Variants in CYP4Z1 observed in about 807,000 individuals in gnomAD.
CYP4Z1 encodes cytochrome P450 family 4 subfamily Z member 1, also known as cytochrome P450 4Z1.
CYP4Z1 carries 41 observed loss-of-function variants against 54.2 expected under a neutral mutation model. The observed-to-expected ratio is 0.76, with a 90% CI of 0.59 to 0.98. The LOEUF (loss-of-function observed/expected upper bound fraction) is 0.98. CYP4Z1 is among the 50% of genes least tolerant of loss of function. The probability of loss-of-function intolerance (pLI) is 0.00; values close to 1 mark genes in which losing one functional copy is unlikely to be tolerated. For missense variants in CYP4Z1, 513 were observed against 599.0 expected (o/e 0.86, Z 1.50); for synonymous variants, 163 against 206.2 (o/e 0.79, Z 1.79).
chr1:47,110,727 C>A lies in CYP4Z1; in HGVS notation c.1201+4466C>A, dbSNP rs189623576. On this transcript the variant is annotated intron_variant, in intron 9 of 11. Coordinates refer to ENST00000334194, the MANE Select transcript of CYP4Z1 (RefSeq NM_178134.3). Reference sequence around the variant, plus strand: ...AACCATTTAAAAGAGAACAAGGCTTCTGGAACCAAAAATTGAAAAATGAAA... The same window carrying A: ...AACCATTTAAAAGAGAACAAGGCTTATGGAACCAAAAATTGAAAAATGAAA... Among the ~76,000 whole-genome samples, 250 of 151,676 alleles carry A rather than the reference C, an allele frequency of 1.6e-3. 4 individuals carry two copies. The highest frequency in any genetic ancestry group is 5.8e-3 in the African/African-American group (239 of 41,306).
At chr1:47,106,651 G>T (rs1557633431) in intron 9 of CYP4Z1, among the ~76,000 whole-genome samples, 1 of 152,138 alleles carries the variant, frequency 6.6e-6, no homozygotes, top group Non-Finnish European at 1.5e-5. Flanking sequence ...CACCGGCAGG[G>T]CATGTCACTG....
At chr1:47,095,850 T>A (rs898283323) in intron 7 of CYP4Z1, among the ~76,000 whole-genome samples, 9 of 152,216 alleles carry the variant, frequency 5.9e-5, no homozygotes, top group African/African-American at 2.2e-4. Context: ...CATCTCCAAG[T>A]GTTCAATAAA....
chr1:47,062,958 A>C (rs556262214), upstream of CYP4Z1, among the ~76,000 whole-genome samples: 1 of 152,234 alleles, frequency 6.6e-6, no homozygotes, highest in African/African-American at 2.4e-5. Context: ...AACAAAAACA[A>C]AACCAAGGAC....
intron 9 of CYP4Z1, among the ~76,000 whole-genome samples, chr1:47,108,958 T>C (rs1440044794): frequency 6.6e-6 from 1 of 152,124 alleles, no homozygotes; most frequent in Non-Finnish European, 1.5e-5. Flanking sequence ...GTCTCAGTTA[T>C]TGCCTTTGTC....
At chr1:47,056,519 G>T in the CYP4Z1 span, among the ~76,000 whole-genome samples, 3 of 152,118 alleles carry the variant, frequency 2.0e-5, no homozygotes, top group Admixed American at 6.5e-5. Flanking sequence ...TGACAGTGGG[G>T]TGTTAAATTC....
intron 8 of CYP4Z1, among the ~76,000 whole-genome samples, chr1:47,102,731 C>A (rs567032691): frequency 6.6e-6 from 1 of 152,260 alleles, no homozygotes; most frequent in African/African-American, 2.4e-5. Context: ...TGACTAGACA[C>A]TGTTCTCTTG....
chr1:47,076,676 T>C (rs1557622289), intron 2 of CYP4Z1, among the ~76,000 whole-genome samples: 1 of 150,966 alleles, frequency 6.6e-6, no homozygotes, highest in Non-Finnish European at 1.5e-5. Flanking sequence ...AAACCCCGTC[T>C]CTACTAAAAA....
chr1:47,064,867 T>A (rs748628120), upstream of CYP4Z1, among the ~76,000 whole-genome samples: 4 of 152,118 alleles, frequency 2.6e-5, no homozygotes, highest in Non-Finnish European at 5.9e-5. Flanking sequence ...TCTATGCAAA[T>A]GGACACCAAA....
chr1:47,105,462 T>C (rs142115959), intron 8 of CYP4Z1, among the ~76,000 whole-genome samples: 6,073 of 152,028 alleles, frequency 0.04, 396 homozygotes, highest in African/African-American at 0.13. Context: ...ATAGCTAGTA[T>C]TGTAGGAGTC....
chr1:47,085,849 C>T (rs1365219767), intron 6 of CYP4Z1, among the ~76,000 whole-genome samples: 3 of 119,048 alleles, frequency 2.5e-5, no homozygotes, highest in Non-Finnish European at 5.1e-5. Context: ...CCCCCTCCCC[C>T]CACCCCACAA....
intron 4 of CYP4Z1, among the ~76,000 whole-genome samples, chr1:47,082,951 G>A (rs1339189289): frequency 6.6e-6 from 1 of 151,852 alleles, no homozygotes; most frequent in African/African-American, 2.4e-5. Flanking sequence ...GGCAGAAGAG[G>A]GTGCAGAGAT....
intron 6 of CYP4Z1, among the ~76,000 whole-genome samples, chr1:47,087,485 GCT>G (rs1557625953): frequency 6.6e-6 from 1 of 152,082 alleles, no homozygotes; most frequent in African/African-American, 2.4e-5. Context: ...CTCATGATTT[GCT>G]CTCTGTTTGT....
Position 47,106,179 on chromosome 1 carries a change from C to G in CYP4Z1, c.1119C>G (p.Leu373=). ...PYTTMCIKEC[L]RLYAPVVNIS... is the part of the protein sequence containing the mutation. ...CCACGATGTGCATCAAGGAATGCCT[C>G]CGCCTCTACGCACCGGTAGTAAACA... The change falls in exon 9 of 12, where the codon CTC becomes CTG. Residue 373 remains leucine, a synonymous_variant. Coordinates refer to ENST00000334194, the MANE Select transcript of CYP4Z1 (RefSeq NM_178134.3). The G allele has an allele frequency of 1.2e-6, 2 of 1,614,140 alleles. 1 individual carries two copies. The highest frequency in any genetic ancestry group is 3.3e-4 in the Middle Eastern group (2 of 6,060).
the CYP4Z1 span, among the ~76,000 whole-genome samples, chr1:47,058,118 A>G: frequency 6.6e-6 from 1 of 152,162 alleles, no homozygotes; most frequent in African/African-American, 2.4e-5. Flanking sequence ...CTGTGCCATC[A>G]AAAGCTTTTC....
intron 9 of CYP4Z1, among the ~76,000 whole-genome samples, chr1:47,107,576 T>C (rs1219535903): frequency 3.3e-5 from 5 of 152,200 alleles, no homozygotes; most frequent in Non-Finnish European, 7.3e-5. Flanking sequence ...AGTCAACTTT[T>C]ACTACCTTTT....
intron 8 of CYP4Z1, among the ~76,000 whole-genome samples, chr1:47,099,847 A>C (rs1644707168): frequency 6.6e-6 from 1 of 152,242 alleles, no homozygotes; most frequent in Admixed American, 6.5e-5. Flanking sequence ...GAACACATTC[A>C]AAAAGTACAG....
upstream of CYP4Z1, among the ~76,000 whole-genome samples, chr1:47,066,309 C>T (rs1228624817): frequency 6.6e-6 from 1 of 152,124 alleles, no homozygotes; most frequent in Non-Finnish European, 1.5e-5. Flanking sequence ...CTGAATCCAA[C>T]AGCATATCAA....
intron 9 of CYP4Z1, among the ~76,000 whole-genome samples, chr1:47,110,002 A>G (rs1340917040): frequency 6.6e-6 from 1 of 152,054 alleles, no homozygotes; most frequent in East Asian, 1.9e-4. Context: ...TTTCTGACGT[A>G]TTCTTGGTTT....
intron 11 of CYP4Z1, among the ~76,000 whole-genome samples, chr1:47,117,343 C>A (rs1255847354): frequency 6.6e-6 from 1 of 152,068 alleles, no homozygotes; most frequent in Non-Finnish European, 1.5e-5. Flanking sequence ...AGATGGGCCC[C>A]AAAATAATAG....
Sources: allele counts gnomAD v4.1 joint callset (sites outside exome capture counted in the v4.1 genomes callset), GRCh38; gene constraint gnomAD v4.1.1; transcripts MANE v1.5; gene names NCBI Gene and HGNC (gene_info 2026-07-23, HGNC 2026-07-21).